RARA: variants seen among roughly 807,000 people sequenced by gnomAD.
RARA encodes the protein PML-DDX5-RARA fusion.
Under a neutral mutation model 42.8 loss-of-function variants are expected in RARA, and 5 were observed. That is an observed-to-expected ratio of 0.12 (90% CI 0.06 to 0.25). The LOEUF (loss-of-function observed/expected upper bound fraction) is 0.25, where lower values mean the gene tolerates loss of function less well. Among genes scored for constraint, RARA ranks in the 10% least tolerant of loss-of-function variants. The pLI, the probability that RARA is intolerant of heterozygous loss-of-function variation, is 1.00. For missense variants in RARA, 402 were observed against 628.7 expected (o/e 0.64, Z 3.86); for synonymous variants, 256 against 259.5 (o/e 0.99, Z 0.13).
intron 1 of RARA, among the ~76,000 whole-genome samples, chr17:40,327,409 CTGAGTG>C (rs1323211886): frequency 1.3e-5 from 2 of 152,204 alleles, no homozygotes; most frequent in African/African-American, 4.8e-5. Flanking sequence ...GTGAATTCAC[CTGAGTG>C]TTTGTGGACC....
chr17:40,352,844 C>T lies in RARA; in HGVS notation c.807+337C>T, dbSNP rs1008601425. Among the ~76,000 whole-genome samples, 2 of 152,064 alleles carry T rather than the reference C, an allele frequency of 1.3e-5. No individual in the cohort carries two copies. Among genetic ancestry groups the T allele is most frequent in the Non-Finnish European group, 2.9e-5 (2 of 67,996 alleles). Reference sequence around the variant, plus strand: ...AATCCCAGCACTTTGGGAGGCCGAGCGAGGCAGGAGGATCACTTGAGGCTG... The same window carrying T: ...AATCCCAGCACTTTGGGAGGCCGAGTGAGGCAGGAGGATCACTTGAGGCTG... On this transcript the variant is annotated intron_variant, in intron 6 of 8. Coordinates refer to ENST00000254066, the MANE Select transcript of RARA (RefSeq NM_000964.4). The surrounding 1 kb of genome is among the most constrained non-coding windows in gnomAD (Gnocchi z 4.9).
chr17:40,329,853 A>G (rs1403511864), intron 1 of RARA, among the ~76,000 whole-genome samples: 1 of 152,180 alleles, frequency 6.6e-6, no homozygotes, highest in East Asian at 1.9e-4. Flanking sequence ...ATATGTATTT[A>G]TATATAACCT....
In RARA at chr17:40,355,518, C is replaced by G; in HGVS notation, c.1171+97C>G. The G allele has an allele frequency of 6.9e-7, 1 of 1,439,374 alleles. No individual in the cohort carries two copies. Among genetic ancestry groups the G allele is most frequent in the Non-Finnish European group, 9.3e-7 (1 of 1,071,380 alleles). The allele number at this position is 1,439,374 out of a possible 1,614,324, so 89.2% of individuals were successfully genotyped here. A position where few individuals can be genotyped will look rare whatever the true frequency, so the allele number is the denominator to read the frequency against. ...CCCATGTCTTTGTGCCAGGACAATA[C>G]GACACCTGTCCCCATCTGTGTCTAG... On this transcript the variant is annotated intron_variant, in intron 8 of 8. Coordinates refer to ENST00000254066, the MANE Select transcript of RARA (RefSeq NM_000964.4). This position sits in a 1 kb window ranked among gnomAD's most constrained non-coding sequence, Gnocchi z 4.1.
chr17:40,343,323 G>A (rs1345108782), intron 2 of RARA, among the ~76,000 whole-genome samples: 3 of 152,202 alleles, frequency 2.0e-5, no homozygotes, highest in Admixed American at 1.3e-4. Context: ...CTTCCTGTGC[G>A]ACAGCTGCTG....
chr17:40,355,481 C>T lies in RARA; in HGVS notation c.1171+60C>T. The T allele has an allele frequency of 1.3e-6, 2 of 1,545,114 alleles. No individual in the cohort carries two copies. The highest frequency in any genetic ancestry group is 1.8e-6 in the Non-Finnish European group (2 of 1,140,480). On this transcript the variant is annotated intron_variant, in intron 8 of 8. Coordinates refer to ENST00000254066, the MANE Select transcript of RARA (RefSeq NM_000964.4). This position sits in a 1 kb window ranked among gnomAD's most constrained non-coding sequence, Gnocchi z 4.1. Reference sequence around the variant, plus strand: ...CGACACCTGGCCCAGGCCCCCACATCCAAGCCAGCACCCCATGTCTTTGTG... The same window carrying T: ...CGACACCTGGCCCAGGCCCCCACATTCAAGCCAGCACCCCATGTCTTTGTG...
chr17:40,342,151 T>TGGGGGGGGGGGGCGCTGTGGGGGGGG, intron 2 of RARA: 1 of 347,892 alleles, frequency 2.9e-6, no homozygotes, highest in Non-Finnish European at 3.7e-6. Context: ...AGAGCTGGGG[T>TGGGGGGGGGGGGCGCTGTGGGGGGGG]GGGGGGGCCG....
Position 40,326,436 on chromosome 17 carries a change from C to T in RARA, c.-362-4421C>T, listed in dbSNP as rs1300148168. The T allele has an allele frequency of 3.9e-5, 6 of 152,288 alleles. No homozygotes were observed. The highest frequency in any genetic ancestry group is 7.2e-5 in the African/African-American group (3 of 41,452). The allele number at this position is 152,288 out of a possible 1,614,324, so 9.4% of individuals were successfully genotyped here. On this transcript the variant is annotated intron_variant, in intron 1 of 8. Transcript: ENST00000254066. The surrounding 1 kb of genome is among the most constrained non-coding windows in gnomAD (Gnocchi z 5.2). ...CCTTCCGACTTCTGGTTCTTTCTCC[C>T]ATCTTCGTGGCTCAGAAAGCTCTCA...
intron 1 of RARA, chr17:40,323,286 T>A (rs1044604052): frequency 2.6e-5 from 4 of 152,598 alleles, no homozygotes; most frequent in Non-Finnish European, 5.8e-5. Flanking sequence ...TTGCAGCCCT[T>A]GTCCCCTCTG....
intron 1 of RARA, among the ~76,000 whole-genome samples, chr17:40,310,182 A>G (rs2033068903): frequency 6.6e-6 from 1 of 152,200 alleles, no homozygotes; most frequent in Non-Finnish European, 1.5e-5. Flanking sequence ...AAGGTCCCCA[A>G]GCTTCTGCCC....
At chr17:40,335,010 C>T (rs1394239961) in intron 2 of RARA, among the ~76,000 whole-genome samples, 2 of 152,172 alleles carry the variant, frequency 1.3e-5, no homozygotes, top group African/African-American at 4.8e-5. Flanking sequence ...CTGGTGTTTA[C>T]TGTGGAGGTC....
chr17:40,322,029 G>A lies in RARA; in HGVS notation c.-362-8828G>A, dbSNP rs534958392. 2.6e-5 allele frequency among the ~76,000 whole-genome samples: 4 copies of A among 152,254 alleles called. No individual in the cohort carries two copies. In the East Asian group the frequency reaches 7.7e-4, roughly 29 times the overall value. ...GGCAGGGCTAGGGGTGTGGGGGTGTGTAGATGGGGGTGGTTCTCTGTTAAT... is the reference window on the plus strand; with the variant it reads ...GGCAGGGCTAGGGGTGTGGGGGTGTATAGATGGGGGTGGTTCTCTGTTAAT... On this transcript the variant is annotated intron_variant, in intron 1 of 8. Coordinates refer to ENST00000254066, the MANE Select transcript of RARA (RefSeq NM_000964.4).
chr17:40,313,187 G>A (rs562002159), intron 1 of RARA, among the ~76,000 whole-genome samples: 37 of 152,226 alleles, frequency 2.4e-4, no homozygotes, highest in African/African-American at 8.4e-4. Flanking sequence ...CCTTACAGAA[G>A]GGACGTCCAG....
At chr17:40,313,318 T>C (rs970191593) in intron 1 of RARA, among the ~76,000 whole-genome samples, 1 of 152,178 alleles carries the variant, frequency 6.6e-6, no homozygotes, top group East Asian at 1.9e-4. Flanking sequence ...GGGAGATTAC[T>C]ACTGGCTTCT....
chr17:40,342,236 C>T (rs940938341), intron 2 of RARA: 1 of 1,055,524 alleles, frequency 9.5e-7, no homozygotes, highest in Middle Eastern at 4.3e-4. Flanking sequence ...CGCGGGATCC[C>T]CACCCCCACC....
intron 2 of RARA, among the ~76,000 whole-genome samples, chr17:40,347,167 G>A (rs1042527776): frequency 6.6e-6 from 1 of 152,164 alleles, no homozygotes; most frequent in African/African-American, 2.4e-5. Context: ...CTCATGTGCC[G>A]GAGTTTGGGG....
rs2034646775 is a variant in RARA at position 40,356,762 on chromosome 17, T to G, written c.*536T>G. Reference sequence around the variant, plus strand: ...TGTTTTTATTTTAATTTTTTTGTTTTGATTTTTTTAATAAGAATTTTCATT... The same window carrying G: ...TGTTTTTATTTTAATTTTTTTGTTTGGATTTTTTTAATAAGAATTTTCATT... On this transcript the variant is annotated 3_prime_UTR_variant, in exon 9 of 9. Transcript: ENST00000254066. The G allele has an allele frequency of 3.8e-6, 2 of 520,516 alleles. No individual in the cohort carries two copies. Among genetic ancestry groups the G allele is most frequent in the Non-Finnish European group, 7.3e-6 (2 of 272,458 alleles). The allele number at this position is 520,516 out of a possible 1,614,324, so 32.2% of individuals were successfully genotyped here. A position where few individuals can be genotyped will look rare whatever the true frequency, so the allele number is the denominator to read the frequency against.
intron 1 of RARA, among the ~76,000 whole-genome samples, chr17:40,312,967 G>C (rs2033125776): frequency 6.6e-6 from 1 of 152,192 alleles, no homozygotes; most frequent in Admixed American, 6.5e-5. Flanking sequence ...GGCACACCTG[G>C]TCCATTTTCC....
At chr17:40,311,493 C>T (rs991396644) in intron 1 of RARA, among the ~76,000 whole-genome samples, 1 of 152,072 alleles carries the variant, frequency 6.6e-6, no homozygotes, top group Non-Finnish European at 1.5e-5. Context: ...CAGGCTGACC[C>T]CCGCCACCCC....
At position 40,326,582 on chromosome 17, in the gene RARA, G is replaced by C. The variant is rs1311131201; in HGVS notation, c.-362-4275G>C. On this transcript the variant is annotated intron_variant, in intron 1 of 8. Coordinates refer to ENST00000254066, the MANE Select transcript of RARA (RefSeq NM_000964.4). This position sits in a 1 kb window ranked among gnomAD's most constrained non-coding sequence, Gnocchi z 5.2. ...AGCGGCCCCAGTGGGCAGGAGTGTG[G>C]GGCTGGTTGCAGGTGCTCTAGCCCC... 1 of 152,400 alleles carries C rather than the reference G, an allele frequency of 6.6e-6. No individual in the cohort carries two copies. Among genetic ancestry groups the C allele is most frequent in the Non-Finnish European group, 1.5e-5 (1 of 68,178 alleles). 9.4% of individuals were successfully genotyped at this position (152,400 alleles called of 1,614,324 possible). A position where few individuals can be genotyped will look rare whatever the true frequency, so the allele number is the denominator to read the frequency against.
Sources: gnomAD v4.1 joint callset for allele counts (sites outside exome capture counted in the v4.1 genomes callset) on GRCh38, gnomAD v4.1.1 for gene constraint, Gnocchi (gnomAD v3.1) non-coding constraint, MANE v1.5 for transcripts, NCBI Gene and HGNC (gene_info 2026-07-23, HGNC 2026-07-21) for gene names.